DSCAM: variants seen among roughly 807,000 people sequenced by gnomAD.
DSCAM encodes DS cell adhesion molecule.
In DSCAM, 47 loss-of-function variants were observed where a neutral mutation model predicts 217.7. That is an observed-to-expected ratio of 0.22 (90% CI 0.17 to 0.28). The LOEUF (loss-of-function observed/expected upper bound fraction) is 0.28. Among genes scored for constraint, DSCAM ranks in the 10% least tolerant of loss-of-function variants. DSCAM has a pLI of 1.00. For synonymous variants in DSCAM, 1,056 were observed against 1,015.3 expected, an observed-to-expected ratio of 1.04 and a Z score of -0.76; for missense variants, 2,080 against 2,618.3, an observed-to-expected ratio of 0.79 and a Z score of 4.49.
chr21:40,732,230 G>A lies in DSCAM; in HGVS notation c.44-23459C>T, dbSNP rs2091019892. On this transcript the variant is annotated intron_variant, in intron 1 of 32. Transcript: ENST00000400454. ...CAATGACTGCTGTGGGCAGGAGGAT[G>A]AAATCTATTATATCACCCTAGGACC... Among the ~76,000 whole-genome samples the A allele has an allele frequency of 2.0e-5, 3 of 152,206 alleles. No individual in the cohort carries two copies. The South Asian group carries it at 6.2e-4, about 32-fold the overall frequency.
chr21:40,177,121 T>G (rs888238320), intron 15 of DSCAM, among the ~76,000 whole-genome samples: 1 of 152,222 alleles, frequency 6.6e-6, no homozygotes, highest in Non-Finnish European at 1.5e-5. Flanking sequence ...GGGGACAGCT[T>G]ATTCTCCCTA....
chr21:40,807,199 G>A (rs2091796134), intron 1 of DSCAM, among the ~76,000 whole-genome samples: 1 of 152,034 alleles, frequency 6.6e-6, no homozygotes, highest in Admixed American at 6.5e-5. Context: ...TTTTATTAGG[G>A]GTTTATTATT....
chr21:40,549,096 T>G (rs771793354), intron 3 of DSCAM, among the ~76,000 whole-genome samples: 3 of 152,056 alleles, frequency 2.0e-5, no homozygotes, highest in Non-Finnish European at 2.9e-5. Flanking sequence ...TCCCAGCTAC[T>G]CTGGAGGCTG....
At chr21:40,048,572 A>G (rs530381823) in intron 30 of DSCAM, among the ~76,000 whole-genome samples, 2 of 152,370 alleles carry the variant, frequency 1.3e-5, no homozygotes, top group East Asian at 1.9e-4. Flanking sequence ...GCCTAGAAAC[A>G]TAACTTCTAC....
intron 15 of DSCAM, among the ~76,000 whole-genome samples, chr21:40,170,190 A>G (rs2090640905): frequency 6.6e-6 from 1 of 152,002 alleles, no homozygotes; most frequent in Non-Finnish European, 1.5e-5. Context: ...TTCTCCCTCC[A>G]TCAGGGTTTG....
chr21:40,138,600 G>A (rs111163995), intron 18 of DSCAM, among the ~76,000 whole-genome samples: 19,890 of 141,362 alleles, frequency 0.14, 1,739 homozygotes, highest in African/African-American at 0.25. Context: ...TGTGGTGTAG[G>A]TGAGGTGTGT....
At chr21:40,087,366 G>A in intron 21 of DSCAM, 79 bp from the exon 22 acceptor site, 2 of 1,029,068 alleles carry the variant, frequency 1.9e-6, no homozygotes, top group South Asian at 2.7e-5. Context: ...TACTCAATAA[G>A]GGCAATACCT....
At chr21:40,598,706 TGTTGGCCAG>T (rs1010522603) in intron 3 of DSCAM, among the ~76,000 whole-genome samples, 3 of 152,100 alleles carry the variant, frequency 2.0e-5, no homozygotes, top group East Asian at 1.9e-4. Context: ...GTTGTCATCA[TGTTGGCCAG>T]GATGGACTTG....
chr21:40,799,874 T>C (rs77879956), intron 1 of DSCAM, among the ~76,000 whole-genome samples: 13,112 of 152,290 alleles, frequency 0.086, 667 homozygotes, highest in African/African-American at 0.14. Context: ...AAGGTAGCAT[T>C]TACAGGTTTT....
chr21:40,106,713 T>C (rs111877734), intron 20 of DSCAM, among the ~76,000 whole-genome samples: 2,879 of 152,218 alleles, frequency 0.019, 91 homozygotes, highest in African/African-American at 0.065. Context: ...GTGTATGTGT[T>C]CAGGAATTTA....
At chr21:40,662,642 C>A (rs1404942792) in intron 3 of DSCAM, among the ~76,000 whole-genome samples, 6 of 152,154 alleles carry the variant, frequency 3.9e-5, no homozygotes, top group Non-Finnish European at 4.4e-5. Context: ...TATGCTGGAA[C>A]CCTGTTCCCC....
At chr21:40,684,307 G>A (rs900925542) in intron 3 of DSCAM, among the ~76,000 whole-genome samples, 19 of 152,210 alleles carry the variant, frequency 1.2e-4, no homozygotes, top group African/African-American at 3.9e-4. Context: ...ACAGGCTGAC[G>A]GTGGAGAAGG....
At chr21:40,782,006 A>AAAG (rs1555888314) in intron 1 of DSCAM, among the ~76,000 whole-genome samples, 52 of 149,726 alleles carry the variant, frequency 3.5e-4, no homozygotes, top group African/African-American at 7.1e-4. Flanking sequence ...AAAAAAAAAA[A>AAAG]AAAAGAAAAA....
intron 1 of DSCAM, among the ~76,000 whole-genome samples, chr21:40,775,964 A>T (rs754677840): frequency 6.6e-6 from 1 of 152,164 alleles, no homozygotes; most frequent in Non-Finnish European, 1.5e-5. Flanking sequence ...CACAATAACC[A>T]ACCATAGTGA....
chr21:40,740,694 T>A (rs958725108), intron 1 of DSCAM, among the ~76,000 whole-genome samples: 2 of 152,114 alleles, frequency 1.3e-5, no homozygotes, highest in Non-Finnish European at 2.9e-5. Flanking sequence ...CTAACAACCA[T>A]AGGCTTTGAG....
At chr21:40,386,231 T>C (rs540648619) in intron 3 of DSCAM, among the ~76,000 whole-genome samples, 1 of 152,312 alleles carries the variant, frequency 6.6e-6, no homozygotes, top group Non-Finnish European at 1.5e-5. Flanking sequence ...AATGTGTATA[T>C]TTTTCATTGC....
chr21:40,355,146 G>GT (rs2074678142), intron 4 of DSCAM, among the ~76,000 whole-genome samples: 1 of 152,250 alleles, frequency 6.6e-6, no homozygotes, highest in South Asian at 2.1e-4. Flanking sequence ...TTTGTAATAA[G>GT]TGTAGTTAAA....
chr21:40,223,946 T>C (rs910376332), intron 11 of DSCAM, among the ~76,000 whole-genome samples: 5 of 152,180 alleles, frequency 3.3e-5, no homozygotes, highest in Admixed American at 2.6e-4. Flanking sequence ...CCACCCCACA[T>C]GCTGTGGGTC....
At chr21:40,501,822 C>T (rs1986174) in intron 3 of DSCAM, among the ~76,000 whole-genome samples, 68,919 of 152,082 alleles carry the variant, frequency 0.45, 15,778 homozygotes, top group African/African-American at 0.48. Context: ...GAACTCCCGA[C>T]CTCAGGTGAT....
Sources: gnomAD v4.1 joint callset for allele counts (sites outside exome capture counted in the v4.1 genomes callset) on GRCh38, gnomAD v4.1.1 for gene constraint, MANE v1.5 for transcripts, NCBI Gene and HGNC (gene_info 2026-07-23, HGNC 2026-07-21) for gene names.